The following INSL6 variants were observed in gnomAD, a reference collection of about 807,000 sequenced individuals.
INSL6 encodes insulin like 6, also known as insulin-like peptide INSL6.
A neutral mutation model predicts 9.4 loss-of-function variants in INSL6; 16 were observed. That is an observed-to-expected ratio of 1.70 (90% CI 1.15 to 2.59). INSL6 has a LOEUF of 2.59. Among genes scored for constraint, INSL6 ranks in the 30% most tolerant of loss-of-function variants. The probability of loss-of-function intolerance (pLI) is 0.00; values close to 1 mark genes in which losing one functional copy is unlikely to be tolerated. For synonymous variants in INSL6, 154 were observed against 96.9 expected, an observed-to-expected ratio of 1.59 and a Z score of -3.46; for missense variants, 391 against 257.3, an observed-to-expected ratio of 1.52 and a Z score of -3.56.
chr9:5,153,211 AG>A lies in INSL6; in HGVS notation c.376+10967del, dbSNP rs373353051. ...GACAGAACCGTTCACTCCCCTGAAAAGGGGGCTGAAGCCAGGGAGCCAAGTA... is the reference window on the plus strand; with the variant it reads ...GACAGAACCGTTCACTCCCCTGAAAAGGGGCTGAAGCCAGGGAGCCAAGTA... On this transcript the variant is annotated intron_variant, in intron 2 of 3. Transcript: ENST00000649639. 1.3e-3 allele frequency among the ~76,000 whole-genome samples: 197 copies of A among 152,094 alleles called. 2 individuals are homozygous for A. The highest frequency in any genetic ancestry group is 4.4e-3 in the African/African-American group (181 of 41,496).
chr9:5,021,005 C>T, the INSL6 span, among the ~76,000 whole-genome samples: 2 of 152,126 alleles, frequency 1.3e-5, no homozygotes, highest in African/African-American at 2.4e-5. Context: ...CAGGCAGCTC[C>T]CTATGTTACT....
the INSL6 span, chr9:5,054,424 T>C: frequency 3.1e-6 from 2 of 640,578 alleles, no homozygotes; most frequent in Non-Finnish European, 5.5e-6. The surrounding 1 kb of genome is among the most constrained non-coding windows in gnomAD (Gnocchi z 4.9). Context: ...GGGGGTTATG[T>C]CAACTTACGC....
chr9:5,112,644 A>G, the INSL6 span: 1 of 1,011,204 alleles, frequency 9.9e-7, no homozygotes, highest in Non-Finnish European at 1.4e-6. Flanking sequence ...GAGAAGCCCC[A>G]GACCAAACTC....
chr9:5,114,361 A>G, the INSL6 span: 5 of 533,226 alleles, frequency 9.4e-6, no homozygotes, highest in African/African-American at 9.5e-5. Flanking sequence ...AAGCAGTGCA[A>G]TGGCACGTTC....
intron 2 of INSL6, among the ~76,000 whole-genome samples, chr9:5,155,034 A>G (rs1368052536): frequency 6.6e-6 from 1 of 151,898 alleles, no homozygotes; most frequent in East Asian, 1.9e-4. Flanking sequence ...ACGTATGTTT[A>G]TTGCGGCACT....
At chr9:5,141,121 T>A (rs1314133138) in intron 2 of INSL6, among the ~76,000 whole-genome samples, 3 of 152,156 alleles carry the variant, frequency 2.0e-5, no homozygotes, top group Non-Finnish European at 4.4e-5. Context: ...TGACGGACAT[T>A]TAGGTTGATT....
the INSL6 span, among the ~76,000 whole-genome samples, chr9:4,998,110 C>T: frequency 6.6e-6 from 1 of 152,172 alleles, no homozygotes; most frequent in African/African-American, 2.4e-5. Context: ...ATTTCACGAG[C>T]AGAATTAATT....
chr9:5,087,628 A>T, the INSL6 span, among the ~76,000 whole-genome samples: 1 of 152,230 alleles, frequency 6.6e-6, no homozygotes, highest in Non-Finnish European at 1.5e-5. Context: ...TTGCCTATCA[A>T]AGTGACAAGG....
At chr9:5,093,511 G>A in the INSL6 span, among the ~76,000 whole-genome samples, 1 of 152,138 alleles carries the variant, frequency 6.6e-6, no homozygotes, top group East Asian at 1.9e-4. Context: ...GAGCTTATAA[G>A]CAAATAAGAT....
the INSL6 span, chr9:5,108,457 T>G: frequency 6.6e-6 from 1 of 152,136 alleles, no homozygotes. Flanking sequence ...ATGCTAGTAA[T>G]GATATTTACT....
chr9:5,091,834 T>C, the INSL6 span, among the ~76,000 whole-genome samples: 6 of 152,098 alleles, frequency 3.9e-5, no homozygotes, highest in African/African-American at 1.4e-4. Context: ...CTATAATGGG[T>C]ACTTTAAGGT....
At chr9:5,156,946 G>A (rs1368877483) in intron 2 of INSL6, among the ~76,000 whole-genome samples, 1 of 152,192 alleles carries the variant, frequency 6.6e-6, no homozygotes, top group African/African-American at 2.4e-5. Context: ...GAACCTGAGA[G>A]GCAGAGGTTG....
chr9:5,101,536 A>T, the INSL6 span, among the ~76,000 whole-genome samples: 3 of 152,256 alleles, frequency 2.0e-5, no homozygotes, highest in Non-Finnish European at 4.4e-5. Context: ...TGTTTCTACC[A>T]GCATGGTGTT....
At chr9:5,046,982 G>C in the INSL6 span, among the ~76,000 whole-genome samples, 1 of 151,942 alleles carries the variant, frequency 6.6e-6, no homozygotes, top group Non-Finnish European at 1.5e-5. Context: ...TTTTGATCTA[G>C]AAAAATTTTG....
intron 3 of INSL6, chr9:5,126,119 T>C (rs933188112): frequency 4.6e-5 from 19 of 417,166 alleles, no homozygotes; most frequent in Middle Eastern, 6.4e-4. Context: ...GGGATTTGTG[T>C]TGAGTTTATT....
At chr9:5,087,763 C>A in the INSL6 span, among the ~76,000 whole-genome samples, 2 of 151,370 alleles carry the variant, frequency 1.3e-5, no homozygotes, top group Non-Finnish European at 2.9e-5. Context: ...TGTATCAAGT[C>A]CCTTTGAAAT....
chr9:5,130,067 A>C (rs986746395), intron 3 of INSL6, among the ~76,000 whole-genome samples: 5 of 152,084 alleles, frequency 3.3e-5, no homozygotes, highest in African/African-American at 1.2e-4. Context: ...TCCAACTGAA[A>C]CACCAGTCTT....
chr9:5,114,062 A>G, the INSL6 span: 1 of 331,616 alleles, frequency 3.0e-6, no homozygotes, highest in African/African-American at 2.2e-5. Context: ...CCTCCACACA[A>G]AGCAAGCTCA....
At chr9:5,160,224 A>G (rs1564047127), downstream of INSL6, among the ~76,000 whole-genome samples, 1 of 151,808 alleles carries the variant, frequency 6.6e-6, no homozygotes. Flanking sequence ...ATCTTAAAAC[A>G]TTCCAAAAAA....
Sources: gnomAD v4.1 joint callset for allele counts (sites outside exome capture counted in the v4.1 genomes callset) on GRCh38, gnomAD v4.1.1 for gene constraint, Gnocchi (gnomAD v3.1) non-coding constraint, MANE v1.5 for transcripts, NCBI Gene and HGNC (gene_info 2026-07-23, HGNC 2026-07-21) for gene names.